TTI1: variants seen among roughly 807,000 people sequenced by gnomAD.
TTI1 encodes the protein TELO2 interacting protein 1, also known as TELO2-interacting protein 1 homolog.
In TTI1, 52 loss-of-function variants were observed where a neutral mutation model predicts 85.4. That is an observed-to-expected ratio of 0.61 (90% CI 0.49 to 0.77). TTI1 has a LOEUF of 0.77. Ranked by LOEUF, TTI1 falls within the 30% of genes least tolerant of loss-of-function variation. The pLI, the probability that TTI1 is intolerant of heterozygous loss-of-function variation, is 0.00. For missense variants in TTI1, 1,173 were observed against 1,296.0 expected, an observed-to-expected ratio of 0.91 and a Z score of 1.46; for synonymous variants, 512 against 503.9, an observed-to-expected ratio of 1.02 and a Z score of -0.22.
intron 3 of TTI1, 133 bp from the exon 4 acceptor site, chr20:38,002,909 C>T (rs1057333791): frequency 1.6e-6 from 2 of 1,217,134 alleles, no homozygotes; most frequent in South Asian, 1.4e-5. Context: ...GACACCTCCA[C>T]TCAAGGGGGA....
intron 7 of TTI1, among the ~76,000 whole-genome samples, chr20:37,985,832 A>T (rs1221715361): frequency 6.6e-6 from 1 of 151,650 alleles, no homozygotes; most frequent in Non-Finnish European, 1.5e-5. Flanking sequence ...GGCCTACTGA[A>T]TTTTTTCCTG....
chr20:37,993,723 A>T (rs761186179), intron 7 of TTI1, among the ~76,000 whole-genome samples: 4 of 152,212 alleles, frequency 2.6e-5, no homozygotes, highest in Non-Finnish European at 5.9e-5. Context: ...CTTCCAAAGC[A>T]AGCTGGTCAT....
chr20:37,996,763 TCA>T lies in TTI1; in HGVS notation c.2982_2983del (p.Cys994Ter). ...CTGGTACCCACCTAGGTCCAGTCTC[TCA>T]CAGAGGGGGCCCAGGCCCTGTAAGA... On this transcript the variant is annotated stop_gained and frameshift_variant, in exon 6 of 8. Transcript: ENST00000373447. LOFTEE classifies it high-confidence loss of function. The T allele has an allele frequency of 6.2e-7, 1 of 1,611,366 alleles. No individual in the cohort carries two copies.
Position 38,012,392 on chromosome 20 carries a change from A to G in TTI1, c.1425T>C (p.Tyr475=), listed in dbSNP as rs2073610327. 1 of 1,614,250 alleles carries G rather than the reference A, an allele frequency of 6.2e-7. No homozygotes were observed. The highest frequency in any genetic ancestry group is 1.6e-4 in the Middle Eastern group (1 of 6,062). Residue 475 remains tyrosine (Y), a synonymous_variant, in exon 2 of 8, where the codon TAT becomes TAC. Transcript: ENST00000373447. The stretch of plus-strand genomic sequence containing the variant: ...TTCTCTCATCAGTGAAGAAGCGGAA[A>G]TATCTCCTCTGGATGCGGTTCCAAG... ...TQPWNRIQRR[Y]FRFFTDERIF... is the part of the protein sequence containing the mutation.
In TTI1 at chr20:38,020,323, A is replaced by ATAT. The variant is rs1555795789; in HGVS notation, c.-41-6467_-41-6466insATA. Among the ~76,000 whole-genome samples the ATAT allele has an allele frequency of 4.9e-3, 245 of 50,352 alleles. 1 individual carries two copies. The highest frequency in any genetic ancestry group is 5.6e-3 in the African/African-American group (63 of 11,216). The allele number at this position is 50,352 out of a possible 152,430, so 33.0% of individuals were successfully genotyped here. A position where few individuals can be genotyped will look rare whatever the true frequency, so the allele number is the denominator to read the frequency against. On this transcript the variant is annotated intron_variant, in intron 1 of 7. Transcript: ENST00000373447. ...GGCTACTCATATGAAAAAAAAAAAA[A>ATAT]ATATATATATATATATATATATATA...
intron 3 of TTI1, 23 bp from the exon 4 acceptor site, chr20:38,002,799 G>A: frequency 6.2e-7 from 1 of 1,611,948 alleles, no homozygotes; most frequent in African/African-American, 1.3e-5. Context: ...CACAACTGGG[G>A]GCAGTGTTGT....
rs2073334377 is a variant in TTI1, at chr20:37,996,113, TGA to T, written c.3086+260_3086+261del. On this transcript the variant is annotated intron_variant, in intron 7 of 7. Transcript: ENST00000373447. Reference sequence around the variant, plus strand: ...GATTCCCCTCCAACCAGGAGGGTGCTGAGTCCTCTCTAGCACACCGTCTTTCT... The same window carrying T: ...GATTCCCCTCCAACCAGGAGGGTGCTGTCCTCTCTAGCACACCGTCTTTCT... Among the ~76,000 whole-genome samples the T allele has an allele frequency of 2.0e-5, 3 of 152,356 alleles. No individual in the cohort carries two copies. In the South Asian group the frequency reaches 6.2e-4, roughly 32 times the overall value.
chr20:37,990,433 C>T (rs1307549733), intron 7 of TTI1, among the ~76,000 whole-genome samples: 2 of 152,172 alleles, frequency 1.3e-5, no homozygotes, highest in African/African-American at 4.8e-5. Flanking sequence ...AAAACAGAGA[C>T]TTTGAGAAGT....
At position 38,006,236 on chromosome 20, in the gene TTI1, C is replaced by T; in HGVS notation, c.2464G>A (p.Val822Met). 1.2e-6 allele frequency: 2 copies of T among 1,614,202 alleles called. No individual in the cohort carries two copies. The highest frequency in any genetic ancestry group is 1.7e-6 in the Non-Finnish European group (2 of 1,180,032). ...FLLNYLKEKD[V>M]ADGNVSDFDN... ...AAATCCGAGACATTTCCATCTGCCACATCCTTCTCTTTGAGGTAGTTCAGC... is the reference window on the plus strand; with the variant it reads ...AAATCCGAGACATTTCCATCTGCCATATCCTTCTCTTTGAGGTAGTTCAGC... The change falls in exon 3 of 8, where the codon GTG (valine) becomes ATG (methionine). Residue 822 changes from valine (V) to methionine (M), a missense_variant. Physicochemically the swap from Val to Met is conservative, Grantham distance 21 (BLOSUM62 1). Coordinates refer to ENST00000373447, the MANE Select transcript of TTI1 (RefSeq NM_001303457.2).
chr20:38,026,616 T>C (rs868562894), intron 1 of TTI1, among the ~76,000 whole-genome samples: 1 of 152,144 alleles, frequency 6.6e-6, no homozygotes, highest in African/African-American at 2.4e-5. Context: ...TCAAGACTTC[T>C]GAGAAGAAGG....
At chr20:38,023,688 C>G (rs2073799269) in intron 1 of TTI1, among the ~76,000 whole-genome samples, 1 of 152,206 alleles carries the variant, frequency 6.6e-6, no homozygotes. Context: ...CAAGCAGTTC[C>G]CACTCACTGT....
intron 7 of TTI1, among the ~76,000 whole-genome samples, chr20:37,992,026 C>G (rs1158086424): frequency 6.6e-6 from 1 of 152,246 alleles, no homozygotes; most frequent in Admixed American, 6.5e-5. Flanking sequence ...GCTACTTTTT[C>G]TCTCACACAC....
chr20:38,030,079 T>C (rs1262349041), intron 1 of TTI1, among the ~76,000 whole-genome samples: 1 of 152,174 alleles, frequency 6.6e-6, no homozygotes, highest in Non-Finnish European at 1.5e-5. Context: ...CCATATAAAT[T>C]TGACAACTTT....
intron 3 of TTI1, among the ~76,000 whole-genome samples, chr20:38,004,826 C>A (rs1381161807): frequency 6.6e-6 from 1 of 152,158 alleles, no homozygotes; most frequent in African/African-American, 2.4e-5. Context: ...ACAAGAATGG[C>A]AAATCTGGAT....
At chr20:38,031,305 G>A (rs769260342) in intron 1 of TTI1, among the ~76,000 whole-genome samples, 2 of 152,120 alleles carry the variant, frequency 1.3e-5, no homozygotes, top group South Asian at 2.1e-4. Context: ...CAGTCCCTTC[G>A]TACTTTTCTG....
chr20:37,984,814 G>A (rs1299805283), intron 7 of TTI1, among the ~76,000 whole-genome samples: 1 of 152,240 alleles, frequency 6.6e-6, no homozygotes, highest in Non-Finnish European at 1.5e-5. Context: ...TCTGTAGGTT[G>A]CTGTATCTCG....
chr20:38,028,061 A>T (rs985265779), intron 1 of TTI1, among the ~76,000 whole-genome samples: 1 of 152,202 alleles, frequency 6.6e-6, no homozygotes, highest in Non-Finnish European at 1.5e-5. Context: ...AGGGAAAGAA[A>T]ATCTGCATAT....
At chr20:38,027,307 T>A (rs962263049) in intron 1 of TTI1, among the ~76,000 whole-genome samples, 1 of 152,180 alleles carries the variant, frequency 6.6e-6, no homozygotes, top group African/African-American at 2.4e-5. Flanking sequence ...CCTAACACAA[T>A]GCAAATGTTA....
At chr20:38,016,840 G>A (rs982769502) in intron 1 of TTI1, among the ~76,000 whole-genome samples, 2 of 152,136 alleles carry the variant, frequency 1.3e-5, no homozygotes, top group African/African-American at 4.8e-5. Context: ...TTCTTAAACT[G>A]CTCTCCATCC....
Sources: gnomAD v4.1 joint callset for allele counts (sites outside exome capture counted in the v4.1 genomes callset) on GRCh38, gnomAD v4.1.1 for gene constraint, MANE v1.5 for transcripts, NCBI Gene and HGNC (gene_info 2026-07-23, HGNC 2026-07-21) for gene names.